The following SLC2A2 variants were observed in gnomAD, a reference collection of about 807,000 sequenced individuals.
SLC2A2 encodes the protein solute carrier family 2, facilitated glucose transporter member 2.
SLC2A2 carries 36 observed loss-of-function variants against 54.5 expected under a neutral mutation model. That is an observed-to-expected ratio of 0.66 (90% CI 0.51 to 0.87). SLC2A2 has a LOEUF of 0.87. SLC2A2 is among the 40% of genes least tolerant of loss of function. The pLI, the probability that SLC2A2 is intolerant of heterozygous loss-of-function variation, is 0.00. For missense variants in SLC2A2, 543 were observed against 624.3 expected (o/e 0.87, Z 1.39); for synonymous variants, 223 against 219.1 (o/e 1.02, Z -0.16).
chr3:171,018,139 C>G (rs1237374321), intron 2 of SLC2A2, among the ~76,000 whole-genome samples: 1 of 152,046 alleles, frequency 6.6e-6, no homozygotes, highest in Non-Finnish European at 1.5e-5. Context: ...AAAAAATGTC[C>G]CCTGAGTGAA....
Position 170,998,382 on chromosome 3 carries a change from C to G in SLC2A2, c.1185G>C (p.Trp395Cys). ...VGLVLLNKFSWMSYVSMIAIF... is the reference protein window; with the variant it reads ...VGLVLLNKFSCMSYVSMIAIF... ...TGGCTATCATGCTCACATAACTCAT[C>G]CAAGAGAACTTATTCTGAGGAAAAA... Residue 395 changes from tryptophan (W) to cysteine (C), a missense_variant, in exon 10 of 11, where the codon TGG (tryptophan) becomes TGC (cysteine). By Grantham distance (215) the Trp-to-Cys change is radical. Coordinates refer to ENST00000314251, the MANE Select transcript of SLC2A2 (RefSeq NM_000340.2). 1 of 1,613,352 alleles carries G rather than the reference C, an allele frequency of 6.2e-7. No homozygotes were observed. Among genetic ancestry groups the G allele is most frequent in the South Asian group, 1.1e-5 (1 of 91,070 alleles).
intron 2 of SLC2A2, among the ~76,000 whole-genome samples, chr3:171,015,586 A>G (rs1271993404): frequency 6.6e-6 from 1 of 152,244 alleles, no homozygotes; most frequent in African/African-American, 2.4e-5. Context: ...AAAAGTGGAT[A>G]TAAGAAAAAA....
At position 171,026,714 on chromosome 3, in the gene SLC2A2, G is replaced by A. The variant is rs756713862; in HGVS notation, c.-44C>T. The stretch of plus-strand genomic sequence containing the variant: ...TGTCAATTCCAGGTCTTGTGTGAGT[G>A]TGGCACATGCACCTGACTAGCTCCT... On this transcript the variant is annotated 5_prime_UTR_variant, in exon 1 of 11. Coordinates refer to ENST00000314251, the MANE Select transcript of SLC2A2 (RefSeq NM_000340.2). 1 of 1,587,370 alleles carries A rather than the reference G, an allele frequency of 6.3e-7. No homozygotes were observed. The highest frequency in any genetic ancestry group is 1.1e-5 in the South Asian group (1 of 90,602).
At chr3:171,019,075 G>GTA (rs201104047) in intron 1 of SLC2A2, among the ~76,000 whole-genome samples, 74 of 134,464 alleles carry the variant, frequency 5.5e-4, no homozygotes, top group African/African-American at 1.5e-3. Context: ...GTGTGTGTGT[G>GTA]TATATATATA....
Position 170,998,248 on chromosome 3 carries a change from G to A in SLC2A2, c.1319C>T (p.Ala440Val), listed in dbSNP as rs758246412. 4 of 1,613,798 alleles carry A rather than the reference G, an allele frequency of 2.5e-6. No homozygotes were observed. Among genetic ancestry groups the A allele is most frequent in the Non-Finnish European group, 3.4e-6 (4 of 1,179,788 alleles). Residue 440 changes from alanine to valine, a missense_variant, in exon 10 of 11, where the codon GCA becomes GTA. Transcript: ENST00000314251. ...GAAATTGCAGGTCCAATTGCTGAAT[G>A]CAGCTATTGCTAAAGCAGCAGGACG... ...GPRPAALAIA[A>V]FSNWTCNFIV...
chr3:171,003,120 A>G (rs945778325), intron 7 of SLC2A2, among the ~76,000 whole-genome samples: 2 of 151,962 alleles, frequency 1.3e-5, no homozygotes, highest in Admixed American at 6.6e-5. Flanking sequence ...AACCACTCTT[A>G]CAACTCCTGA....
chr3:171,003,944 C>T (rs1047524827), intron 7 of SLC2A2, among the ~76,000 whole-genome samples: 1 of 152,008 alleles, frequency 6.6e-6, no homozygotes, highest in Non-Finnish European at 1.5e-5. Flanking sequence ...TCTCAGTAGA[C>T]ATGGAGAAAT....
chr3:171,015,238 G>A (rs753886214), intron 2 of SLC2A2, among the ~76,000 whole-genome samples: 1 of 152,204 alleles, frequency 6.6e-6, no homozygotes, highest in Non-Finnish European at 1.5e-5. Flanking sequence ...GGAGGCCGAG[G>A]TGGGCGGACT....
chr3:171,005,857 C>T, intron 6 of SLC2A2, 86 bp downstream of exon 6: 1 of 1,338,188 alleles, frequency 7.5e-7, no homozygotes, highest in Non-Finnish European at 1.1e-6. Context: ...TACATTTAAT[C>T]ACCAACTTCA....
intron 8 of SLC2A2, 72 bp downstream of exon 8, chr3:171,002,504 G>T: frequency 1.0e-6 from 1 of 961,308 alleles, no homozygotes. Flanking sequence ...TTTTAGAGCC[G>T]AAGTTCCCCA....
Position 170,997,750 on chromosome 3 carries a change from T to C in SLC2A2, c.*153A>G, listed in dbSNP as rs530625053. Reference sequence around the variant, plus strand: ...TATATTCTCTAACTTAAAAAAATACTTTTTTGGTAATATTTGATGACATTT... The same window carrying C: ...TATATTCTCTAACTTAAAAAAATACCTTTTTGGTAATATTTGATGACATTT... On this transcript the variant is annotated 3_prime_UTR_variant, in exon 11 of 11. Transcript: ENST00000314251. 80 of 690,300 alleles carry C rather than the reference T, an allele frequency of 1.2e-4. 1 individual carries two copies. The highest frequency in any genetic ancestry group is 1.1e-3 in the African/African-American group (59 of 55,276). 42.8% of individuals were successfully genotyped at this position (690,300 alleles called of 1,614,324 possible).
chr3:171,012,848 T>A (rs2108254200), intron 3 of SLC2A2, among the ~76,000 whole-genome samples: 1 of 152,334 alleles, frequency 6.6e-6, no homozygotes, highest in Non-Finnish European at 1.5e-5. Context: ...ACTTTTTGTT[T>A]ACCATAGGTC....
At chr3:171,018,228 TC>T (rs1428706143) in intron 2 of SLC2A2, among the ~76,000 whole-genome samples, 2 of 151,938 alleles carry the variant, frequency 1.3e-5, no homozygotes, top group Non-Finnish European at 2.9e-5. Flanking sequence ...GCTCTTTTTT[TC>T]TTTTTTTTTT....
intron 2 of SLC2A2, among the ~76,000 whole-genome samples, chr3:171,015,261 G>C (rs140985725): frequency 2.3e-3 from 348 of 152,248 alleles, no homozygotes; most frequent in African/African-American, 8.2e-3. Context: ...TTGAGCTCAG[G>C]AGTTTGAGAC....
At chr3:171,017,840 A>G (rs948794937) in intron 2 of SLC2A2, among the ~76,000 whole-genome samples, 2 of 152,234 alleles carry the variant, frequency 1.3e-5, no homozygotes, top group African/African-American at 4.8e-5. Flanking sequence ...TGCACGAAAT[A>G]TATGAGAAAA....
At chr3:171,018,778 G>A (rs1716279221) in intron 1 of SLC2A2, among the ~76,000 whole-genome samples, 155 bp from the exon 2 acceptor site, 2 of 152,012 alleles carry the variant, frequency 1.3e-5, no homozygotes, top group Non-Finnish European at 2.9e-5. Context: ...AGGCTGGCAG[G>A]TGTTGTTCAT....
Position 170,997,962 on chromosome 3 carries a change from C to T in SLC2A2, c.1516G>A (p.Ala506Thr), listed in dbSNP as rs966895511. ...TCTACAGCAGCTTTTGGCCTGTGGGCTGAGCCACTCTTCTTTTGGAATTCT... is the reference window on the plus strand; with the variant it reads ...TCTACAGCAGCTTTTGGCCTGTGGGTTGAGCCACTCTTCTTTTGGAATTCT... ...AAEFQKKSGS[A>T]HRPKAAVEMK... is the part of the protein sequence containing the mutation. Residue 506 changes from alanine (A) to threonine (T), a missense_variant, in exon 11 of 11, where the codon GCC (alanine) becomes ACC (threonine). This residue lies in a region of SLC2A2 where 108 missense variants were observed against 101.3 expected (regional missense o/e 1.07). Coordinates refer to ENST00000314251, the MANE Select transcript of SLC2A2 (RefSeq NM_000340.2). 1.2e-6 allele frequency: 2 copies of T among 1,613,596 alleles called. No homozygotes were observed. Among genetic ancestry groups the T allele is most frequent in the Non-Finnish European group, 8.5e-7 (1 of 1,179,758 alleles).
At chr3:171,009,032 C>T (rs1715749303) in intron 4 of SLC2A2, among the ~76,000 whole-genome samples, 1 of 152,010 alleles carries the variant, frequency 6.6e-6, no homozygotes, top group African/African-American at 2.4e-5. Flanking sequence ...TACGTCCTCA[C>T]CACTCCTTCC....
intron 1 of SLC2A2, among the ~76,000 whole-genome samples, chr3:171,019,057 ATGTGTGTGTG>A (rs762355106): frequency 7.3e-6 from 1 of 137,824 alleles, no homozygotes; most frequent in Non-Finnish European, 1.5e-5. Flanking sequence ...ATTTGTTGAT[ATGTGTGTGTG>A]TGTGTGTGTA....
Sources: allele counts gnomAD v4.1 joint callset (sites outside exome capture counted in the v4.1 genomes callset), GRCh38; gene constraint gnomAD v4.1.1; regional missense constraint gnomAD v4.1.1; transcripts MANE v1.5; gene names NCBI Gene and HGNC (gene_info 2026-07-23, HGNC 2026-07-21).